VEZT: variants seen among roughly 807,000 people sequenced by gnomAD.
VEZT encodes the protein vezatin, adherens junctions transmembrane protein.
In VEZT, 39 loss-of-function variants were observed where a neutral mutation model predicts 79.9. The ratio of observed to expected loss-of-function variants is 0.49; its 90% CI spans 0.38 to 0.64. VEZT has a LOEUF of 0.64. VEZT is among the 30% of genes least tolerant of loss of function. VEZT has a pLI of 0.00. For synonymous variants in VEZT, 325 were observed against 327.6 expected, an observed-to-expected ratio of 0.99 and a Z score of 0.09; for missense variants, 837 against 893.1, an observed-to-expected ratio of 0.94 and a Z score of 0.80.
intron 7 of VEZT, 98 bp from the exon 8 acceptor site, chr12:95,282,215 A>G (rs2139279970): frequency 8.7e-7 from 1 of 1,143,260 alleles, no homozygotes; most frequent in Non-Finnish European, 1.2e-6. Flanking sequence ...ATAAAGTGCA[A>G]AATTTAAACC....
chr12:95,232,845 G>A (rs190934580), intron 1 of VEZT, among the ~76,000 whole-genome samples: 9 of 152,128 alleles, frequency 5.9e-5, no homozygotes, highest in African/African-American at 1.4e-4. Flanking sequence ...TCACTCTGTC[G>A]CCCAGGCTGG....
At position 95,257,244 on chromosome 12, in the gene VEZT, G is replaced by C; in HGVS notation, c.258+5G>C. On this transcript the variant is annotated splice_donor_5th_base_variant and intron_variant, in intron 3 of 11. Transcript: ENST00000436874. ...GATGACTTACTTCACAAGTTGGTAAGTGGTCACTTCTTTTTGCCACTTTTC... is the reference window on the plus strand; with the variant it reads ...GATGACTTACTTCACAAGTTGGTAACTGGTCACTTCTTTTTGCCACTTTTC... The C allele has an allele frequency of 6.2e-7, 1 of 1,600,330 alleles. No homozygotes were observed. The highest frequency in any genetic ancestry group is 8.5e-7 in the Non-Finnish European group (1 of 1,173,114).
chr12:95,266,602 A>G lies in VEZT; in HGVS notation c.680A>G (p.Glu227Gly). The change falls in exon 5 of 12, where the codon GAA becomes GGA. Residue 227 changes from glutamate to glycine, a missense_variant. By Grantham distance (98) the Glu-to-Gly change is moderately conservative. Coordinates refer to ENST00000436874, the MANE Select transcript of VEZT (RefSeq NM_017599.4). ...LVRKALRLIQ[E>G]TEVISRGFTL... ...AGAAAAGCTTTACGTCTCATTCAAG[A>G]AACCGAAGTGATTTCCAGAGGATTT... The G allele has an allele frequency of 6.2e-7, 1 of 1,612,224 alleles. No homozygotes were observed. Among genetic ancestry groups the G allele is most frequent in the Non-Finnish European group, 8.5e-7 (1 of 1,179,468 alleles).
At chr12:95,246,652 TTA>T (rs2061763619) in intron 1 of VEZT, among the ~76,000 whole-genome samples, 1 of 152,220 alleles carries the variant, frequency 6.6e-6, no homozygotes. Context: ...CTTTCTGGTG[TTA>T]TGATATGTGT....
chr12:95,234,282 ATC>A (rs2059680957), intron 1 of VEZT, among the ~76,000 whole-genome samples: 3 of 131,418 alleles, frequency 2.3e-5, no homozygotes, highest in African/African-American at 8.7e-5. Flanking sequence ...TCTATCAATA[ATC>A]TTTTTTTTTT....
Position 95,239,211 on chromosome 12 carries a change from C to T in VEZT, c.37-12729C>T, listed in dbSNP as rs182117110. Among the ~76,000 whole-genome samples, 242 of 152,148 alleles carry T rather than the reference C, an allele frequency of 1.6e-3. 1 individual carries two copies. Among genetic ancestry groups the T allele is most frequent in the Admixed American group, 3.7e-3 (56 of 15,282 alleles). ...TTTTAAATTTTTAGTATAAAAGTAG[C>T]AAGGCAGTAAAAAACAAAAAAACAA... On this transcript the variant is annotated intron_variant, in intron 1 of 11. Coordinates refer to ENST00000436874, the MANE Select transcript of VEZT (RefSeq NM_017599.4).
intron 9 of VEZT, chr12:95,293,753 C>G (rs527447875): frequency 6.4e-6 from 1 of 155,992 alleles, no homozygotes; most frequent in African/African-American, 2.4e-5. Context: ...GTCCTCTTCT[C>G]CAAGAGTTTA....
chr12:95,294,269 A>C lies in VEZT; in HGVS notation c.1523-3A>C. 1.3e-6 allele frequency: 2 copies of C among 1,578,096 alleles called. No homozygotes were observed. Among genetic ancestry groups the C allele is most frequent in the African/African-American group, 2.7e-5 (2 of 74,216 alleles). The stretch of plus-strand genomic sequence containing the variant: ...TATTCCCATCTATTCCCGTTTTTTA[A>C]AGGCAAGCCTGAAATAGCATGTGAA... On this transcript the variant is annotated splice_region_variant and splice_polypyrimidine_tract_variant and intron_variant, in intron 9 of 11. Coordinates refer to ENST00000436874, the MANE Select transcript of VEZT (RefSeq NM_017599.4).
chr12:95,289,742 T>C (rs1053903506), intron 9 of VEZT, among the ~76,000 whole-genome samples: 1 of 152,226 alleles, frequency 6.6e-6, no homozygotes, highest in Non-Finnish European at 1.5e-5. Context: ...AAGAAGCAGG[T>C]ACTTTAGTTA....
intron 7 of VEZT, among the ~76,000 whole-genome samples, chr12:95,276,040 C>T (rs550599538): frequency 6.6e-6 from 1 of 152,010 alleles, no homozygotes; most frequent in East Asian, 1.9e-4. Context: ...CCTCACACAC[C>T]AATGGTGAAA....
chr12:95,285,805 C>T (rs1277533618), intron 8 of VEZT, among the ~76,000 whole-genome samples: 1 of 151,990 alleles, frequency 6.6e-6, no homozygotes, highest in African/African-American at 2.4e-5. Context: ...AAAGCAACTA[C>T]AGAAAGCTTG....
At chr12:95,252,337 C>T (rs944001935) in intron 2 of VEZT, 3 of 243,144 alleles carry the variant, frequency 1.2e-5, no homozygotes, top group East Asian at 1.7e-4. Context: ...CAAACAGAAT[C>T]GAAAAAAATA....
rs2070792470 is a variant in VEZT, at chr12:95,286,187, T to C, written c.1329-1477T>C. On this transcript the variant is annotated intron_variant, in intron 8 of 11. Coordinates refer to ENST00000436874, the MANE Select transcript of VEZT (RefSeq NM_017599.4). ...TTTATACTTTTGTAGAGACGGAGTT[T>C]CACCATGTTGGCCAGGCTGGTCTCG... The C allele has an allele frequency of 3.0e-5, 7 of 236,478 alleles. 1 individual carries two copies. In the South Asian group the frequency reaches 3.8e-4, roughly 13 times the overall value. The allele number at this position is 236,478 out of a possible 1,614,324, so 14.6% of individuals were successfully genotyped here. A position where few individuals can be genotyped will look rare whatever the true frequency, so the allele number is the denominator to read the frequency against.
chr12:95,249,617 G>A (rs1215567570), intron 1 of VEZT, among the ~76,000 whole-genome samples: 1 of 152,140 alleles, frequency 6.6e-6, no homozygotes, highest in African/African-American at 2.4e-5. Flanking sequence ...TCCACAAATT[G>A]CTACCAGTCC....
At chr12:95,230,595 A>G (rs200597004) in intron 1 of VEZT, among the ~76,000 whole-genome samples, 1 of 126,322 alleles carries the variant, frequency 7.9e-6, no homozygotes, top group African/African-American at 2.9e-5. Context: ...TTTTTTATTT[A>G]TTTTGGGATA....
At chr12:95,274,235 C>T (rs990680954) in intron 6 of VEZT, among the ~76,000 whole-genome samples, 3 of 152,158 alleles carry the variant, frequency 2.0e-5, no homozygotes, top group South Asian at 2.1e-4. Context: ...GAGGCTGAGG[C>T]GGGCAGATCA....
intron 1 of VEZT, among the ~76,000 whole-genome samples, chr12:95,240,904 G>A (rs1402832831): frequency 6.6e-6 from 1 of 152,048 alleles, no homozygotes; most frequent in Non-Finnish European, 1.5e-5. Flanking sequence ...AACTATTGAT[G>A]CTTTGGGCCA....
intron 1 of VEZT, among the ~76,000 whole-genome samples, chr12:95,226,282 T>A (rs1018680787): frequency 6.6e-6 from 1 of 152,020 alleles, no homozygotes; most frequent in African/African-American, 2.4e-5. Context: ...CCTGCCTCTG[T>A]AACACAAGAG....
At chr12:95,230,591 A>G (rs201622296) in intron 1 of VEZT, among the ~76,000 whole-genome samples, 7 of 89,122 alleles carry the variant, frequency 7.9e-5, no homozygotes, top group Non-Finnish European at 1.2e-4. Context: ...TTTTTTTTTT[A>G]TTTATTTTGG....
Sources: gnomAD v4.1 joint callset for allele counts (sites outside exome capture counted in the v4.1 genomes callset) on GRCh38, gnomAD v4.1.1 for gene constraint, MANE v1.5 for transcripts, NCBI Gene and HGNC (gene_info 2026-07-23, HGNC 2026-07-21) for gene names.